Variants in EFR3A observed in about 807,000 individuals in gnomAD.
The protein encoded by EFR3A is protein EFR3 homolog A.
A neutral mutation model predicts 104.4 loss-of-function variants in EFR3A; 76 were observed. The observed-to-expected ratio is 0.73, with a 90% CI of 0.60 to 0.88. EFR3A has a LOEUF of 0.88. EFR3A is among the 40% of genes least tolerant of loss of function. EFR3A has a pLI of 0.00. For synonymous variants in EFR3A, 330 were observed against 330.0 expected (o/e 1.00, Z 0.00); for missense variants, 985 against 1,012.5 (o/e 0.97, Z 0.37).
In EFR3A at chr8:131,949,282, ATAT is replaced by A. The variant is rs1052117217; in HGVS notation, c.367-682_367-680del. 1.2e-3 allele frequency among the ~76,000 whole-genome samples: 178 copies of A among 152,246 alleles called. 1 individual carries two copies. Among genetic ancestry groups the A allele is most frequent in the African/African-American group, 4.1e-3 (169 of 41,574 alleles). ...GATTCTCAACCCTTCAAGCTTAGAA[ATAT>A]TATTTTCATTTTATAGATGAGGAAT... On this transcript the variant is annotated intron_variant, in intron 4 of 22. Coordinates refer to ENST00000254624, the MANE Select transcript of EFR3A (RefSeq NM_015137.6).
Position 131,944,774 on chromosome 8 carries a change from A to G in EFR3A, c.117A>G (p.Lys39=), listed in dbSNP as rs1818343735. Residue 39 remains lysine, a synonymous_variant, in exon 3 of 23, where the codon AAA becomes AAG. Transcript: ENST00000254624. The part of the protein sequence containing the change: ...KDGLVKTDME[K]LTFYAVSAPE... ...GCCTTGTGAAAACTGATATGGAGAA[A>G]TTGACATTTTATGCAGTATCTGCTC... 1.2e-6 allele frequency: 2 copies of G among 1,602,858 alleles called. No homozygotes were observed. The highest frequency in any genetic ancestry group is 2.7e-5 in the African/African-American group (2 of 74,588).
At chr8:131,967,627 TC>T (rs1819813878) in intron 8 of EFR3A, among the ~76,000 whole-genome samples, 1 of 152,016 alleles carries the variant, frequency 6.6e-6, no homozygotes, top group South Asian at 2.1e-4. Flanking sequence ...TTTTTGGCTA[TC>T]CTTTTTTTGA....
intron 7 of EFR3A, among the ~76,000 whole-genome samples, chr8:131,957,319 C>A (rs1003374015): frequency 6.7e-6 from 1 of 148,990 alleles, no homozygotes; most frequent in African/African-American, 2.5e-5. Flanking sequence ...ACAAATAATT[C>A]ATGTCTAATT....
chr8:131,928,804 C>T lies in EFR3A; in HGVS notation c.11-11695C>T, dbSNP rs574593946. Among the ~76,000 whole-genome samples, 17 of 152,048 alleles carry T rather than the reference C, an allele frequency of 1.1e-4. 1 individual carries two copies. The South Asian group carries it at 3.3e-3, about 30-fold the overall frequency. ...TTCTGATGTTTCCTCATTACTGGAG[C>T]GTTTTTTTAAAGTCCATGTATCTTA... On this transcript the variant is annotated intron_variant, in intron 1 of 22. Coordinates refer to ENST00000254624, the MANE Select transcript of EFR3A (RefSeq NM_015137.6).
At chr8:131,986,104 G>GTT in intron 16 of EFR3A, 90 bp from the exon 17 acceptor site, 4 of 539,996 alleles carry the variant, frequency 7.4e-6, no homozygotes, top group East Asian at 6.5e-5. Flanking sequence ...GTTTAAAGTT[G>GTT]TTTTTTTTTA....
At position 131,967,028 on chromosome 8, in the gene EFR3A, C is replaced by T. The variant is rs188977989; in HGVS notation, c.856-1267C>T. Reference sequence around the variant, plus strand: ...ACCTCCTTCACTCTCTGCAGTGTCCCCATTTGGACAGTAAATCAAATGGCT... The same window carrying T: ...ACCTCCTTCACTCTCTGCAGTGTCCTCATTTGGACAGTAAATCAAATGGCT... On this transcript the variant is annotated intron_variant, in intron 8 of 22. Transcript: ENST00000254624. Among the ~76,000 whole-genome samples the T allele has an allele frequency of 3.9e-5, 6 of 152,164 alleles. No homozygotes were observed. In the East Asian group the frequency reaches 1.2e-3, roughly 29 times the overall value.
At chr8:131,914,047 CT>C (rs1816640779) in intron 1 of EFR3A, among the ~76,000 whole-genome samples, 1 of 152,126 alleles carries the variant, frequency 6.6e-6, no homozygotes, top group African/African-American at 2.4e-5. Context: ...GGTGGAAATG[CT>C]TTATGAACAT....
chr8:131,930,492 A>T (rs1817541145), intron 1 of EFR3A, among the ~76,000 whole-genome samples: 1 of 113,970 alleles, frequency 8.8e-6, no homozygotes, highest in Non-Finnish European at 2.0e-5. Context: ...GAAATTTCAA[A>T]GGTCTGGTCA....
intron 1 of EFR3A, among the ~76,000 whole-genome samples, chr8:131,913,801 G>A (rs1198087102): frequency 1.3e-5 from 2 of 152,134 alleles, no homozygotes; most frequent in African/African-American, 2.4e-5. Flanking sequence ...CTGATGAGCC[G>A]AGTGAAGTGT....
Position 131,949,981 on chromosome 8 carries a change from G to A in EFR3A, c.379G>A (p.Ala127Thr). Residue 127 changes from alanine to threonine, a missense_variant, in exon 5 of 23, where the codon GCA becomes ACA. Ala to Thr is a moderately conservative substitution (Grantham distance 58). Coordinates refer to ENST00000254624, the MANE Select transcript of EFR3A (RefSeq NM_015137.6). ...VLGTNSFVKF[A>T]NIEEDTPSYH... ...TTGTGTTTTTTAGTTTGTCAAATTTGCAAATATTGAAGAAGACACACCATC... is the reference window on the plus strand; with the variant it reads ...TTGTGTTTTTTAGTTTGTCAAATTTACAAATATTGAAGAAGACACACCATC... 1.3e-6 allele frequency: 2 copies of A among 1,592,744 alleles called. No homozygotes were observed.
chr8:131,932,541 T>C (rs951125699), intron 1 of EFR3A, among the ~76,000 whole-genome samples: 6 of 152,174 alleles, frequency 3.9e-5, no homozygotes, highest in African/African-American at 1.4e-4. Flanking sequence ...TAAAGGAAGC[T>C]GTTACCAGAA....
In EFR3A at chr8:132,002,662, C is replaced by T. The variant is rs1332640689; in HGVS notation, c.2266C>T (p.Gln756Ter). The T allele has an allele frequency of 2.5e-6, 4 of 1,613,694 alleles. No individual in the cohort carries two copies. The highest frequency in any genetic ancestry group is 3.4e-6 in the Non-Finnish European group (4 of 1,179,726). The change falls in exon 21 of 23, where the codon CAG becomes TAG. Residue 756 changes from glutamine (Q) to a stop codon, truncating the protein, a stop_gained. Coordinates refer to ENST00000254624, the MANE Select transcript of EFR3A (RefSeq NM_015137.6). LOFTEE classifies it high-confidence loss of function. ...EKRRLVIEKFQKAPFEEIAAQ... is the reference protein window; with the variant it reads ...EKRRLVIEKF ...GAGGCGTCTTGTGATAGAGAAATTT[C>T]AGAAAGCACCTTTTGAAGAAATAGC...
chr8:131,969,284 TA>T (rs1316026683), intron 9 of EFR3A, among the ~76,000 whole-genome samples: 10 of 152,146 alleles, frequency 6.6e-5, no homozygotes, highest in African/African-American at 2.4e-4. Context: ...AAAGTGGAAA[TA>T]TATTATCTAA....
At chr8:131,969,582 G>A (rs570470538) in intron 9 of EFR3A, among the ~76,000 whole-genome samples, 1 of 150,746 alleles carries the variant, frequency 6.6e-6, no homozygotes, top group Non-Finnish European at 1.5e-5. Flanking sequence ...CCCATAGTTG[G>A]TTGAATCTGT....
chr8:131,927,559 CGG>C (rs138637853), intron 1 of EFR3A, among the ~76,000 whole-genome samples: 15,787 of 152,014 alleles, frequency 0.1, 1,011 homozygotes, highest in South Asian at 0.22. Flanking sequence ...ATTTTAGACA[CGG>C]AAGTGAACAT....
intron 9 of EFR3A, among the ~76,000 whole-genome samples, chr8:131,969,047 A>G (rs935434330): frequency 3.3e-5 from 5 of 152,216 alleles, no homozygotes; most frequent in African/African-American, 1.2e-4. Flanking sequence ...AGAAATAACA[A>G]GTCAGTGTCA....
Position 131,962,370 on chromosome 8 carries a change from C to T in EFR3A, c.855+2707C>T, listed in dbSNP as rs1392790801. On this transcript the variant is annotated intron_variant, in intron 8 of 22. Transcript: ENST00000254624. ...AAATAAAGGGATGGAGGAAGATCTACCAAGCAAATGGAAAACAAAAAACGG... is the reference window on the plus strand; with the variant it reads ...AAATAAAGGGATGGAGGAAGATCTATCAAGCAAATGGAAAACAAAAAACGG... Among the ~76,000 whole-genome samples, 4 of 152,174 alleles carry T rather than the reference C, an allele frequency of 2.6e-5. No individual in the cohort carries two copies. The East Asian group carries it at 5.8e-4, about 22-fold the overall frequency.
intron 14 of EFR3A, among the ~76,000 whole-genome samples, chr8:131,981,944 T>C (rs1820636149): frequency 6.6e-6 from 1 of 152,122 alleles, no homozygotes; most frequent in South Asian, 2.1e-4. Context: ...TTTCTCACCA[T>C]GTGAAAAAGC....
intron 19 of EFR3A, among the ~76,000 whole-genome samples, chr8:132,000,442 T>A (rs986848979): frequency 6.6e-6 from 1 of 152,176 alleles, no homozygotes; most frequent in African/African-American, 2.4e-5. Flanking sequence ...TGGGGGTTCT[T>A]GATGCTAGGA....
Sources: gnomAD v4.1 joint callset for allele counts (sites outside exome capture counted in the v4.1 genomes callset) on GRCh38, gnomAD v4.1.1 for gene constraint, MANE v1.5 for transcripts, NCBI Gene and HGNC (gene_info 2026-07-23, HGNC 2026-07-21) for gene names.